The following CNTLN variants were observed in gnomAD, a reference collection of about 807,000 sequenced individuals.
CNTLN encodes centlein.
CNTLN carries 212 observed loss-of-function variants against 180.0 expected under a neutral mutation model. The observed-to-expected ratio is 1.18, with a 90% CI of 1.05 to 1.32. The LOEUF (loss-of-function observed/expected upper bound fraction) is 1.32, where lower values mean the gene tolerates loss of function less well. Among genes scored for constraint, CNTLN ranks in the 40% most tolerant of loss-of-function variants. The pLI is 0.00. For synonymous variants in CNTLN, 722 were observed against 563.1 expected (o/e 1.28, Z -3.99); for missense variants, 2,095 against 1,610.9 (o/e 1.30, Z -5.14).
At chr9:17,525,711 C>G in the CNTLN span, among the ~76,000 whole-genome samples, 1 of 151,952 alleles carries the variant, frequency 6.6e-6, no homozygotes, top group South Asian at 2.1e-4. Context: ...AATATGTTAG[C>G]TAATTTGAAA....
intron 8 of CNTLN, among the ~76,000 whole-genome samples, chr9:17,312,801 G>A (rs1427067838): frequency 6.6e-6 from 1 of 152,062 alleles, no homozygotes; most frequent in East Asian, 1.9e-4. Context: ...TGCAACTACT[G>A]GGCAGAGTGC....
intron 6 of CNTLN, among the ~76,000 whole-genome samples, chr9:17,283,713 GTATGA>G (rs1828803380): frequency 6.6e-6 from 1 of 152,158 alleles, no homozygotes. Flanking sequence ...TGCCCATTCA[GTATGA>G]TATTGGCTGT....
chr9:17,351,022 G>T (rs559338274), intron 12 of CNTLN, among the ~76,000 whole-genome samples: 2 of 152,132 alleles, frequency 1.3e-5, no homozygotes, highest in African/African-American at 4.8e-5. Context: ...TAGGTAAATT[G>T]TTAAATAACC....
chr9:17,338,139 TCC>T (rs1208714147), intron 10 of CNTLN, among the ~76,000 whole-genome samples: 1 of 149,238 alleles, frequency 6.7e-6, no homozygotes, highest in African/African-American at 2.5e-5. Context: ...CTTCCTTCCT[TCC>T]TTCCTTCTTC....
intron 18 of CNTLN, among the ~76,000 whole-genome samples, chr9:17,439,256 A>C (rs1829967446): frequency 6.6e-6 from 1 of 152,224 alleles, no homozygotes; most frequent in Non-Finnish European, 1.5e-5. Flanking sequence ...ACATTATTTT[A>C]ACAGAGCAAT....
chr9:17,501,231 A>T (rs925655010), intron 25 of CNTLN, among the ~76,000 whole-genome samples: 1 of 152,214 alleles, frequency 6.6e-6, no homozygotes, highest in African/African-American at 2.4e-5. Flanking sequence ...TAAGACAAAT[A>T]TGTGAAGCTC....
At chr9:17,385,409 T>TG (rs2069372897) in intron 13 of CNTLN, among the ~76,000 whole-genome samples, 1 of 152,170 alleles carries the variant, frequency 6.6e-6, no homozygotes, top group South Asian at 2.1e-4. Flanking sequence ...TGCCTCCTCT[T>TG]GCAGCCAGTC....
At chr9:17,198,680 G>GC (rs1822305723) in intron 2 of CNTLN, among the ~76,000 whole-genome samples, 1 of 139,760 alleles carries the variant, frequency 7.2e-6, no homozygotes, top group South Asian at 2.2e-4. Flanking sequence ...CCCTCCCCTT[G>GC]CCCCCCACTC....
chr9:17,515,291 C>G, the CNTLN span, among the ~76,000 whole-genome samples: 1,067 of 152,186 alleles, frequency 7.0e-3, 13 homozygotes, highest in African/African-American at 0.024. Flanking sequence ...CTAGATAGCC[C>G]TCATCTTCCT....
At chr9:17,397,521 T>G (rs1481963014) in intron 15 of CNTLN, among the ~76,000 whole-genome samples, 1 of 152,148 alleles carries the variant, frequency 6.6e-6, no homozygotes, top group Non-Finnish European at 1.5e-5. Context: ...GTCACTCTGA[T>G]CACTGTCTTC....
chr9:17,224,439 G>A (rs947936397), intron 2 of CNTLN, among the ~76,000 whole-genome samples: 1 of 152,020 alleles, frequency 6.6e-6, no homozygotes, highest in Non-Finnish European at 1.5e-5. Context: ...GTTACCTCCT[G>A]AAATATTGCT....
At chr9:17,224,494 A>G (rs973515359) in intron 2 of CNTLN, among the ~76,000 whole-genome samples, 1 of 151,996 alleles carries the variant, frequency 6.6e-6, no homozygotes, top group African/African-American at 2.4e-5. Context: ...TGTTGTAGGC[A>G]TATGTTGGAG....
intron 1 of CNTLN, among the ~76,000 whole-genome samples, chr9:17,143,002 C>T (rs1425904762): frequency 6.6e-6 from 1 of 152,110 alleles, no homozygotes; most frequent in Non-Finnish European, 1.5e-5. Flanking sequence ...GAAAATGGGG[C>T]AGCAGGGAGG....
chr9:17,242,762 G>A (rs959287796), intron 5 of CNTLN, among the ~76,000 whole-genome samples: 2 of 152,068 alleles, frequency 1.3e-5, no homozygotes, highest in Non-Finnish European at 2.9e-5. Context: ...ATTTTATTGA[G>A]GATTTTTGGT....
intron 16 of CNTLN, among the ~76,000 whole-genome samples, chr9:17,413,622 C>T (rs1424479169): frequency 6.6e-6 from 1 of 151,874 alleles, no homozygotes; most frequent in Non-Finnish European, 1.5e-5. Flanking sequence ...AAACATTTTA[C>T]CAAAAAAGGA....
intron 23 of CNTLN, among the ~76,000 whole-genome samples, chr9:17,472,479 A>G (rs1407547165): frequency 6.6e-6 from 1 of 152,064 alleles, no homozygotes; most frequent in Non-Finnish European, 1.5e-5. Context: ...CCAATCCCCT[A>G]TTGGATATTC....
At chr9:17,425,101 T>C (rs1202683985) in intron 18 of CNTLN, among the ~76,000 whole-genome samples, 2 of 152,204 alleles carry the variant, frequency 1.3e-5, no homozygotes, top group African/African-American at 2.4e-5. Flanking sequence ...CATTTATATA[T>C]GAATGGATGA....
At chr9:17,178,812 C>T (rs1820915669) in intron 2 of CNTLN, among the ~76,000 whole-genome samples, 1 of 152,134 alleles carries the variant, frequency 6.6e-6, no homozygotes, top group South Asian at 2.1e-4. Flanking sequence ...TGGCCTTGGC[C>T]AGCCCAGCAA....
chr9:17,257,897 G>C (rs1826632026), intron 5 of CNTLN, among the ~76,000 whole-genome samples: 2 of 137,906 alleles, frequency 1.5e-5, no homozygotes, highest in African/African-American at 2.8e-5. Context: ...AGATGAGTAG[G>C]TTGCAAAAAT....
Sources: gnomAD v4.1 joint callset for allele counts (sites outside exome capture counted in the v4.1 genomes callset) on GRCh38, gnomAD v4.1.1 for gene constraint, MANE v1.5 for transcripts, NCBI Gene and HGNC (gene_info 2026-07-23, HGNC 2026-07-21) for gene names.